NPAS3: variants seen among roughly 807,000 people sequenced by gnomAD.
The protein encoded by NPAS3 is neuronal PAS domain protein 3.
A neutral mutation model predicts 73.1 loss-of-function variants in NPAS3; 14 were observed. The ratio of observed to expected loss-of-function variants is 0.19; its 90% CI spans 0.13 to 0.30. The LOEUF is 0.30. NPAS3 is among the 10% of genes least tolerant of loss of function. The pLI, the probability that NPAS3 is intolerant of heterozygous loss-of-function variation, is 1.00. For missense variants in NPAS3, 1,096 were observed against 1,250.0 expected (o/e 0.88, Z 1.86); for synonymous variants, 620 against 541.5 (o/e 1.14, Z -2.01).
intron 1 of NPAS3, among the ~76,000 whole-genome samples, chr14:33,053,081 G>A (rs562403167): frequency 3.3e-5 from 5 of 152,248 alleles, no homozygotes; most frequent in East Asian, 3.9e-4. Context: ...TTGTTAAGGC[G>A]TCATCTGTTC....
chr14:32,969,542 C>T (rs539286887), intron 1 of NPAS3, among the ~76,000 whole-genome samples: 1 of 152,266 alleles, frequency 6.6e-6, no homozygotes, highest in East Asian at 1.9e-4. Flanking sequence ...CCTCTTTCTG[C>T]ATTGCACATG....
intron 3 of NPAS3, among the ~76,000 whole-genome samples, chr14:33,354,203 C>T (rs577293361): frequency 2.6e-5 from 4 of 152,120 alleles, no homozygotes; most frequent in South Asian, 2.1e-4. Context: ...GGTATGTTCC[C>T]GTTACTCTCC....
intron 4 of NPAS3, among the ~76,000 whole-genome samples, chr14:33,489,299 C>T (rs541530293): frequency 1.3e-5 from 2 of 152,256 alleles, no homozygotes; most frequent in South Asian, 2.1e-4. Flanking sequence ...TCAGACTTCA[C>T]ACTAGCACAT....
intron 3 of NPAS3, among the ~76,000 whole-genome samples, chr14:33,334,824 G>A (rs995440393): frequency 7.9e-5 from 12 of 151,798 alleles, no homozygotes; most frequent in African/African-American, 2.4e-4. Context: ...TTTATCCCTC[G>A]CCATCCCCCA....
chr14:33,211,841 C>A (rs2047049962), intron 2 of NPAS3, among the ~76,000 whole-genome samples: 1 of 152,104 alleles, frequency 6.6e-6, no homozygotes, highest in African/African-American at 2.4e-5. Flanking sequence ...CATGAAGAAT[C>A]TCTTTTCTGC....
chr14:32,978,322 C>T (rs1180949163), intron 1 of NPAS3, among the ~76,000 whole-genome samples: 1 of 152,110 alleles, frequency 6.6e-6, no homozygotes, highest in East Asian at 1.9e-4. Flanking sequence ...ACACAGCCTA[C>T]CCTACCCCAA....
At chr14:33,558,035 G>A (rs1035586967) in intron 4 of NPAS3, among the ~76,000 whole-genome samples, 1 of 152,200 alleles carries the variant, frequency 6.6e-6, no homozygotes, top group Non-Finnish European at 1.5e-5. Context: ...AATTAAAAGA[G>A]ACAATATGTG....
chr14:33,555,484 GC>G (rs2055312482), intron 4 of NPAS3, among the ~76,000 whole-genome samples: 1 of 152,150 alleles, frequency 6.6e-6, no homozygotes, highest in Non-Finnish European at 1.5e-5. Context: ...TGATTGAACT[GC>G]ATAGTATATA....
At chr14:33,746,264 C>T (rs1237737600) in intron 7 of NPAS3, among the ~76,000 whole-genome samples, 1 of 151,576 alleles carries the variant, frequency 6.6e-6, no homozygotes, top group Non-Finnish European at 1.5e-5. Context: ...TCTCAGCTCA[C>T]TGCAACCTCT....
intron 4 of NPAS3, among the ~76,000 whole-genome samples, chr14:33,551,917 TC>T (rs1210629685): frequency 6.6e-6 from 1 of 152,184 alleles, no homozygotes; most frequent in East Asian, 1.9e-4. Context: ...CATCCAGGGG[TC>T]CCCACTGTGT....
At chr14:33,386,836 A>C (rs1170279166) in intron 4 of NPAS3, among the ~76,000 whole-genome samples, 1 of 152,176 alleles carries the variant, frequency 6.6e-6, no homozygotes, top group Non-Finnish European at 1.5e-5. Context: ...GGGCGTCTTC[A>C]TGCTGTTCAT....
intron 3 of NPAS3, among the ~76,000 whole-genome samples, chr14:33,233,556 C>A (rs924726262): frequency 1.3e-5 from 2 of 152,080 alleles, no homozygotes; most frequent in African/African-American, 4.8e-5. Flanking sequence ...AACAAGGAAC[C>A]TGTCATCAAT....
chr14:33,504,057 G>T (rs1049441038), intron 4 of NPAS3, among the ~76,000 whole-genome samples: 1 of 151,874 alleles, frequency 6.6e-6, no homozygotes, highest in African/African-American at 2.4e-5. Context: ...GACACCCACC[G>T]CACATAGGGT....
At chr14:33,563,382 T>C (rs966628107) in intron 5 of NPAS3, among the ~76,000 whole-genome samples, 3 of 152,100 alleles carry the variant, frequency 2.0e-5, no homozygotes, top group African/African-American at 7.2e-5. Flanking sequence ...GGACAGCTCC[T>C]GGTGTCCAGG....
chr14:33,583,237 C>G (rs17101561), intron 5 of NPAS3: 3,703 of 152,240 alleles, frequency 0.024, 160 homozygotes, highest in African/African-American at 0.085. Flanking sequence ...AAGAGCCATG[C>G]CTTGTGTGGC....
At chr14:33,488,800 T>G (rs2051742830) in intron 4 of NPAS3, among the ~76,000 whole-genome samples, 1 of 152,156 alleles carries the variant, frequency 6.6e-6, no homozygotes, top group Admixed American at 6.5e-5. Flanking sequence ...GAAATGCGCT[T>G]TAGTTTTAGT....
intron 1 of NPAS3, among the ~76,000 whole-genome samples, chr14:32,953,532 C>G (rs1251416973): frequency 6.6e-6 from 1 of 152,120 alleles, no homozygotes; most frequent in Non-Finnish European, 1.5e-5. Context: ...CATCTTCATA[C>G]CATTTTATCA....
intron 3 of NPAS3, among the ~76,000 whole-genome samples, chr14:33,363,020 GC>G (rs372706360): frequency 1.3e-5 from 2 of 152,154 alleles, no homozygotes; most frequent in African/African-American, 4.8e-5. Flanking sequence ...AAGGGAAAGA[GC>G]AGGGCACAAG....
At chr14:33,166,509 C>G (rs1369890813) in intron 2 of NPAS3, among the ~76,000 whole-genome samples, 1 of 152,176 alleles carries the variant, frequency 6.6e-6, no homozygotes, top group African/African-American at 2.4e-5. Flanking sequence ...AGGGCAGGCA[C>G]TCTCCAAGGA....
Sources: allele counts gnomAD v4.1 joint callset (sites outside exome capture counted in the v4.1 genomes callset), GRCh38; gene constraint gnomAD v4.1.1; transcripts MANE v1.5; gene names NCBI Gene and HGNC (gene_info 2026-07-23, HGNC 2026-07-21).